Variants in GRIP2 observed in about 807,000 individuals in gnomAD.
GRIP2 encodes the protein glutamate receptor-interacting protein 2.
GRIP2 carries 58 observed loss-of-function variants against 108.3 expected under a neutral mutation model. The observed-to-expected ratio is 0.54, with a 90% CI of 0.43 to 0.67. GRIP2 has a LOEUF of 0.67. GRIP2 is among the 30% of genes least tolerant of loss of function. GRIP2 has a pLI of 0.00. For missense variants in GRIP2, 1,278 were observed against 1,430.6 expected (o/e 0.89, Z 1.72); for synonymous variants, 586 against 598.2 (o/e 0.98, Z 0.30).
chr3:14,525,820 GA>G, intron 2 of GRIP2, 30 bp downstream of exon 2: 3 of 1,549,590 alleles, frequency 1.9e-6, no homozygotes, highest in Non-Finnish European at 2.6e-6. Flanking sequence ...CTCCAGGGCA[GA>G]AAAAGAGGGA....
At position 14,489,494 on chromosome 3, in the gene GRIP2, C is replaced by T. The variant is rs971718797; in HGVS notation, c.*4171G>A. The T allele has an allele frequency of 4.6e-5, 7 of 152,460 alleles. No individual in the cohort carries two copies. Among genetic ancestry groups the T allele is most frequent in the African/African-American group, 1.7e-4 (7 of 41,414 alleles). 9.4% of individuals were successfully genotyped at this position (152,460 alleles called of 1,614,324 possible). On this transcript the variant is annotated 3_prime_UTR_variant, in exon 24 of 24. Transcript: ENST00000621039. ...GGTTAGAGGTTCCCACATGGAGGCTCACAGAGGAAGCAGCTTGCTCACTCA... is the reference window on the plus strand; with the variant it reads ...GGTTAGAGGTTCCCACATGGAGGCTTACAGAGGAAGCAGCTTGCTCACTCA...
intron 1 of GRIP2, among the ~76,000 whole-genome samples, chr3:14,554,078 A>C (rs972443945): frequency 6.6e-6 from 1 of 152,156 alleles, no homozygotes; most frequent in Non-Finnish European, 1.5e-5. Context: ...TAAGGGGAAG[A>C]TGGAATTAAA....
At chr3:14,565,931 G>C in the GRIP2 span, among the ~76,000 whole-genome samples, 2 of 152,208 alleles carry the variant, frequency 1.3e-5, no homozygotes, top group African/African-American at 4.8e-5. Context: ...GCGTGCCCTA[G>C]GTGACACAGT....
At chr3:14,538,386 C>A (rs1694884611) in intron 1 of GRIP2, among the ~76,000 whole-genome samples, 1 of 152,146 alleles carries the variant, frequency 6.6e-6, no homozygotes, top group South Asian at 2.1e-4. Flanking sequence ...TGGAAATAGG[C>A]TCTCTTTCCT....
intron 16 of GRIP2, among the ~76,000 whole-genome samples, chr3:14,510,611 C>G (rs13063518): frequency 0.38 from 58,413 of 152,030 alleles, 12,046 homozygotes; most frequent in East Asian, 0.57. Context: ...AAATCTACCT[C>G]CCACAGTAAC....
chr3:14,521,739 G>T lies in GRIP2; in HGVS notation c.615C>A (p.Ile205=). ...VGDRLLSVDG[I]PLHGASHATA... ...TGGCATGGCTGGCCCCGTGCAGCGG[G>T]ATTCCATCGACACTGAGCAGCCTGT... Residue 205 remains isoleucine, a synonymous_variant, in exon 7 of 24, where the codon ATC becomes ATA. Transcript: ENST00000621039. This position sits in a 1 kb window ranked among gnomAD's most constrained non-coding sequence, Gnocchi z 5.1. 6.2e-7 allele frequency: 1 copy of T among 1,609,748 alleles called. No homozygotes were observed. The highest frequency in any genetic ancestry group is 1.7e-4 in the Middle Eastern group (1 of 6,042).
chr3:14,493,357 GC>G lies in GRIP2; in HGVS notation c.*307del. The G allele has an allele frequency of 3.0e-6, 1 of 338,254 alleles. No homozygotes were observed. Among genetic ancestry groups the G allele is most frequent in the Non-Finnish European group, 5.4e-6 (1 of 185,466 alleles). The allele number at this position is 338,254 out of a possible 1,614,324, so 21.0% of individuals were successfully genotyped here. ...GGAGGCCCCACAGAGACCTGGGACA[GC>G]CCCCAGGCCTCTCTCCTCTCGGCTG... On this transcript the variant is annotated 3_prime_UTR_variant, in exon 24 of 24. Transcript: ENST00000621039.
At position 14,540,326 on chromosome 3, in the gene GRIP2, CT is replaced by C. The variant is rs1202440598; in HGVS notation, c.-19del. 2 of 1,613,538 alleles carry C rather than the reference CT, an allele frequency of 1.2e-6. No homozygotes were observed. The highest frequency in any genetic ancestry group is 2.2e-5 in the South Asian group (2 of 90,954). ...CACAGCATGTTCGCTATTGTCTCCCCTGCTGCCCACCAACTCCCTCGGGAGC... is the reference window on the plus strand; with the variant it reads ...CACAGCATGTTCGCTATTGTCTCCCCGCTGCCCACCAACTCCCTCGGGAGC... On this transcript the variant is annotated 5_prime_UTR_variant, in exon 1 of 24. Transcript: ENST00000621039. This position sits in a 1 kb window ranked among gnomAD's most constrained non-coding sequence, Gnocchi z 4.1.
At chr3:14,523,758 T>G (rs771363994) in intron 4 of GRIP2, 60 bp from the exon 5 acceptor site, 3 of 1,108,892 alleles carry the variant, frequency 2.7e-6, no homozygotes, top group Non-Finnish European at 4.1e-6. Flanking sequence ...CCGGTAGATG[T>G]GCCCAAAGCT....
chr3:14,540,430 C>T (rs745408468), upstream of GRIP2: 2 of 1,594,954 alleles, frequency 1.3e-6, no homozygotes, highest in African/African-American at 1.3e-5. The surrounding 1 kb of genome is among the most constrained non-coding windows in gnomAD (Gnocchi z 4.1). Context: ...GGCTGGGCAC[C>T]GAGTCCACCC....
chr3:14,555,895 G>A (rs994425686), intron 1 of GRIP2: 17 of 399,540 alleles, frequency 4.3e-5, no homozygotes, highest in Non-Finnish European at 6.6e-5. Flanking sequence ...CAGACTCACC[G>A]GCACCTTTGA....
In GRIP2 at chr3:14,520,363, G is replaced by A. The variant is rs1197517120; in HGVS notation, c.860+27C>T. ...GCCTCTCCCCTGCACACACCTCCAT[G>A]GTGGCAGCACCCAGGGTGTGCCTTA... On this transcript the variant is annotated intron_variant, in intron 8 of 23. Coordinates refer to ENST00000621039, the MANE Select transcript of GRIP2 (RefSeq NM_001080423.4). The A allele has an allele frequency of 2.6e-5, 42 of 1,610,504 alleles. 1 individual carries two copies. Among genetic ancestry groups the A allele is most frequent in the Non-Finnish European group, 3.3e-5 (39 of 1,178,566 alleles).
the GRIP2 span, among the ~76,000 whole-genome samples, chr3:14,565,078 G>A: frequency 6.6e-6 from 1 of 152,204 alleles, no homozygotes; most frequent in African/African-American, 2.4e-5. Context: ...GGTCTGCCCA[G>A]CATTTCTGGG....
Position 14,521,981 on chromosome 3 carries a change from T to A in GRIP2, c.567-194A>T. Reference sequence around the variant, plus strand: ...GCCACTCCAGGAGTGGGGAGCTGCATAAAGCAAGGGGGGGATGAAGACAGG... The same window carrying A: ...GCCACTCCAGGAGTGGGGAGCTGCAAAAAGCAAGGGGGGGATGAAGACAGG... On this transcript the variant is annotated intron_variant, in intron 6 of 23. Transcript: ENST00000621039. The surrounding 1 kb of genome is among the most constrained non-coding windows in gnomAD (Gnocchi z 5.1). 3.8e-6 allele frequency: 2 copies of A among 529,358 alleles called. No homozygotes were observed. The highest frequency in any genetic ancestry group is 6.5e-6 in the Non-Finnish European group (2 of 306,116). 32.8% of individuals were successfully genotyped at this position (529,358 alleles called of 1,614,324 possible). A position where few individuals can be genotyped will look rare whatever the true frequency, so the allele number is the denominator to read the frequency against.
chr3:14,542,147 T>A, upstream of GRIP2: 1 of 978,298 alleles, frequency 1.0e-6, no homozygotes, highest in South Asian at 1.6e-5. Context: ...TCTCTTTTTA[T>A]TTTTTATTTT....
At chr3:14,588,279 G>T in the GRIP2 span, among the ~76,000 whole-genome samples, 1 of 152,152 alleles carries the variant, frequency 6.6e-6, no homozygotes, top group East Asian at 1.9e-4. Flanking sequence ...AGAAACAAAA[G>T]AACAGCAAAA....
chr3:14,514,268 G>C (rs780310104), intron 12 of GRIP2, 24 bp downstream of exon 12: 46 of 1,532,420 alleles, frequency 3.0e-5, no homozygotes, highest in Non-Finnish European at 3.9e-5. Flanking sequence ...GGCAGGCTCA[G>C]TAGGGAGGGG....
chr3:14,577,700 C>A, the GRIP2 span, among the ~76,000 whole-genome samples: 5 of 152,230 alleles, frequency 3.3e-5, no homozygotes, highest in Admixed American at 1.3e-4. Flanking sequence ...ACAGATAACA[C>A]CCCAGGCCCA....
chr3:14,572,808 TG>T, the GRIP2 span: 1 of 801,322 alleles, frequency 1.2e-6, no homozygotes, highest in Non-Finnish European at 2.0e-6. Context: ...TGTCTGGCTC[TG>T]GCCTGCTGGA....
Sources: allele counts gnomAD v4.1 joint callset (sites outside exome capture counted in the v4.1 genomes callset), GRCh38; gene constraint gnomAD v4.1.1; non-coding constraint Gnocchi (gnomAD v3.1); transcripts MANE v1.5; gene names NCBI Gene and HGNC (gene_info 2026-07-23, HGNC 2026-07-21).